Variants in INPP4B observed in about 807,000 individuals in gnomAD.
The protein encoded by INPP4B is inositol polyphosphate-4-phosphatase type II B, also known as inositol polyphosphate 4-phosphatase type II.
Under a neutral mutation model 122.5 loss-of-function variants are expected in INPP4B, and 55 were observed. The observed-to-expected ratio is 0.45, with a 90% CI of 0.36 to 0.56. The LOEUF is 0.56. INPP4B is among the 20% of genes least tolerant of loss of function. The pLI is 0.00. For synonymous variants in INPP4B, 403 were observed against 388.7 expected (o/e 1.04, Z -0.43); for missense variants, 1,000 against 1,097.7 (o/e 0.91, Z 1.26).
chr4:142,626,932 G>A (rs1486374992), intron 2 of INPP4B, among the ~76,000 whole-genome samples: 1 of 151,948 alleles, frequency 6.6e-6, no homozygotes, highest in Non-Finnish European at 1.5e-5. Flanking sequence ...TTTTCTCAAT[G>A]TATTTCTCAT....
chr4:142,597,283 T>C (rs971487466), intron 2 of INPP4B, among the ~76,000 whole-genome samples: 2 of 152,256 alleles, frequency 1.3e-5, no homozygotes, highest in African/African-American at 4.8e-5. Context: ...GCAGATTTCA[T>C]GTTTCCACAC....
At chr4:142,537,106 T>G (rs892916399) in intron 2 of INPP4B, among the ~76,000 whole-genome samples, 2 of 152,054 alleles carry the variant, frequency 1.3e-5, no homozygotes, top group African/African-American at 2.4e-5. Context: ...GGACAACTGT[T>G]CTTAACAGGA....
chr4:142,782,567 C>T (rs1262741817), intron 1 of INPP4B, among the ~76,000 whole-genome samples: 5 of 151,426 alleles, frequency 3.3e-5, no homozygotes, highest in Admixed American at 2.0e-4. Context: ...CACTGACTTC[C>T]ACAATGGTTG....
At chr4:142,278,461 T>C (rs1749660409) in intron 9 of INPP4B, among the ~76,000 whole-genome samples, 1 of 151,806 alleles carries the variant, frequency 6.6e-6, no homozygotes, top group South Asian at 2.1e-4. Flanking sequence ...CTCTCCACTC[T>C]CTCATGCCCC....
intron 2 of INPP4B, among the ~76,000 whole-genome samples, chr4:142,492,162 C>T (rs913713087): frequency 6.6e-6 from 1 of 152,046 alleles, no homozygotes; most frequent in Non-Finnish European, 1.5e-5. Context: ...TGTTTGCTTC[C>T]ACTTCTGCCA....
At chr4:142,323,452 T>G (rs1229396595) in intron 7 of INPP4B, among the ~76,000 whole-genome samples, 4 of 149,774 alleles carry the variant, frequency 2.7e-5, no homozygotes, top group Non-Finnish European at 5.9e-5. Context: ...ACTTTTTTTT[T>G]TTTTTTTTTT....
chr4:142,561,255 A>T (rs576920708), intron 2 of INPP4B, among the ~76,000 whole-genome samples: 97 of 152,314 alleles, frequency 6.4e-4, no homozygotes, highest in Admixed American at 5.7e-3. Flanking sequence ...TGGAAGAATA[A>T]AATATAATAC....
chr4:142,258,198 C>T (rs1232816121), intron 11 of INPP4B, among the ~76,000 whole-genome samples: 2 of 152,084 alleles, frequency 1.3e-5, no homozygotes, highest in Non-Finnish European at 2.9e-5. Context: ...ATACAAAAAT[C>T]AATTCAAGAT....
chr4:142,290,214 TTTTTTTTTTTG>T, intron 9 of INPP4B, among the ~76,000 whole-genome samples: 1 of 135,212 alleles, frequency 7.4e-6, no homozygotes, highest in African/African-American at 2.8e-5. Context: ...TTTTTTTTTT[TTTTTTTTTTTG>T]AGATGGAATC....
At chr4:142,089,303 G>A (rs1388472992) in intron 23 of INPP4B, among the ~76,000 whole-genome samples, 1 of 152,116 alleles carries the variant, frequency 6.6e-6, no homozygotes, top group African/African-American at 2.4e-5. Flanking sequence ...AAGCAATACA[G>A]AATAAGAAGT....
At chr4:142,439,371 C>T (rs984593846) in intron 3 of INPP4B, among the ~76,000 whole-genome samples, 1 of 152,134 alleles carries the variant, frequency 6.6e-6, no homozygotes, top group Non-Finnish European at 1.5e-5. Flanking sequence ...TGCTCTCTCA[C>T]CTTTATCCTT....
intron 22 of INPP4B, among the ~76,000 whole-genome samples, 156 bp downstream of exon 22, chr4:142,112,386 A>C (rs956694751): frequency 3.3e-5 from 5 of 152,322 alleles, no homozygotes; most frequent in African/African-American, 1.2e-4. Context: ...AAATATGAAA[A>C]TTTACCTTCT....
At chr4:142,752,752 T>C (rs1769924744) in intron 1 of INPP4B, among the ~76,000 whole-genome samples, 1 of 152,100 alleles carries the variant, frequency 6.6e-6, no homozygotes, top group South Asian at 2.1e-4. Flanking sequence ...GACTACCTCC[T>C]ATAAATTCCC....
rs903795684 is a variant in INPP4B at position 142,575,839 on chromosome 4, C to T, written c.-190-113113G>A. On this transcript the variant is annotated intron_variant, in intron 2 of 25. Transcript: ENST00000262992. ...AGAAGCTATGATAATTACACTCTACCATTACATCCTTTTTACCCTCTGGTT... is the reference window on the plus strand; with the variant it reads ...AGAAGCTATGATAATTACACTCTACTATTACATCCTTTTTACCCTCTGGTT... 7.9e-5 allele frequency among the ~76,000 whole-genome samples: 12 copies of T among 152,118 alleles called. No individual in the cohort carries two copies. In the East Asian group the frequency reaches 1.4e-3, roughly 17 times the overall value.
At chr4:142,434,541 C>A (rs1037154563) in intron 3 of INPP4B, among the ~76,000 whole-genome samples, 8 of 152,172 alleles carry the variant, frequency 5.3e-5, no homozygotes, top group Admixed American at 6.5e-5. Context: ...CTCTGCTCCT[C>A]TCACTCATGG....
chr4:142,146,369 C>T (rs1039134), intron 17 of INPP4B, among the ~76,000 whole-genome samples: 13,100 of 152,046 alleles, frequency 0.086, 726 homozygotes, highest in Middle Eastern at 0.16. Context: ...TAAAGAATGG[C>T]CTCCTGTTGT....
chr4:142,751,937 C>T (rs897817276), intron 1 of INPP4B, among the ~76,000 whole-genome samples: 1 of 152,044 alleles, frequency 6.6e-6, no homozygotes, highest in African/African-American at 2.4e-5. Flanking sequence ...ATTTCACCCT[C>T]CCCAAAGCAT....
intron 2 of INPP4B, among the ~76,000 whole-genome samples, chr4:142,621,276 T>A (rs1204327886): frequency 1.3e-5 from 2 of 151,934 alleles, no homozygotes; most frequent in Non-Finnish European, 1.5e-5. Flanking sequence ...GAATACTGTT[T>A]GTGAGAAACT....
At chr4:142,725,694 C>G in intron 2 of INPP4B, 145 bp downstream of exon 2, 1 of 384,978 alleles carries the variant, frequency 2.6e-6, no homozygotes, top group Non-Finnish European at 4.6e-6. Flanking sequence ...TGATGATCAT[C>G]GTAAGGCCTT....
Sources: allele counts gnomAD v4.1 joint callset (sites outside exome capture counted in the v4.1 genomes callset), GRCh38; gene constraint gnomAD v4.1.1; transcripts MANE v1.5; gene names NCBI Gene and HGNC (gene_info 2026-07-23, HGNC 2026-07-21).